Variants in GLIS1 observed in about 807,000 individuals in gnomAD.
GLIS1 encodes GLIS family zinc finger 1.
Under a neutral mutation model 63.8 loss-of-function variants are expected in GLIS1, and 24 were observed. That is an observed-to-expected ratio of 0.38 (90% confidence interval 0.27 to 0.53). The LOEUF is 0.53. Ranked by LOEUF, GLIS1 falls within the 20% of genes least tolerant of loss-of-function variation. GLIS1 has a pLI of 0.85. For missense variants in GLIS1, 1,036 were observed against 1,074.1 expected, an observed-to-expected ratio of 0.96 and a Z score of 0.50; for synonymous variants, 450 against 482.5, an observed-to-expected ratio of 0.93 and a Z score of 0.88.
At chr1:53,613,882 A>G (rs987910481) in intron 2 of GLIS1, among the ~76,000 whole-genome samples, 3 of 152,226 alleles carry the variant, frequency 2.0e-5, no homozygotes, top group African/African-American at 4.8e-5. Context: ...ACAACTACCA[A>G]TGGCCAACCA....
chr1:53,605,376 C>A (rs1032428565), intron 2 of GLIS1, among the ~76,000 whole-genome samples: 2 of 152,130 alleles, frequency 1.3e-5, no homozygotes. Context: ...GCCCTCAGAG[C>A]CCAGCAGAAG....
At chr1:53,678,151 C>T (rs965741600) in intron 2 of GLIS1, among the ~76,000 whole-genome samples, 10 of 152,202 alleles carry the variant, frequency 6.6e-5, no homozygotes, top group African/African-American at 2.2e-4. Context: ...CAGTGGGCAC[C>T]CCCATCAGAC....
At chr1:53,518,653 G>A (rs1644376027) in intron 7 of GLIS1, among the ~76,000 whole-genome samples, 1 of 152,180 alleles carries the variant, frequency 6.6e-6, no homozygotes, top group African/African-American at 2.4e-5. Flanking sequence ...CAGAACAAGG[G>A]CAGTAGCTTC....
chr1:53,714,389 A>T (rs1297175046), intron 2 of GLIS1, among the ~76,000 whole-genome samples: 2 of 152,220 alleles, frequency 1.3e-5, no homozygotes, highest in Non-Finnish European at 2.9e-5. Flanking sequence ...CTTTTATTGG[A>T]GTTTTGTATT....
intron 10 of GLIS1, among the ~76,000 whole-genome samples, chr1:53,508,423 T>C (rs992713655): frequency 6.6e-6 from 1 of 152,112 alleles, no homozygotes; most frequent in Non-Finnish European, 1.5e-5. Context: ...AGGTTCCCCT[T>C]TGTTGGAGCC....
intron 2 of GLIS1, among the ~76,000 whole-genome samples, chr1:53,625,884 G>A (rs550842155): frequency 1.3e-5 from 2 of 152,214 alleles, no homozygotes; most frequent in Admixed American, 1.3e-4. Flanking sequence ...TGGCCATAAC[G>A]CTGCACAGAG....
At chr1:53,738,787 C>A (rs1240538319) in intron 1 of GLIS1, among the ~76,000 whole-genome samples, 1 of 152,198 alleles carries the variant, frequency 6.6e-6, no homozygotes, top group East Asian at 1.9e-4. Flanking sequence ...TGGGCAATGC[C>A]CACGCGGCCG....
intron 2 of GLIS1, among the ~76,000 whole-genome samples, chr1:53,647,822 G>T (rs1375783949): frequency 6.6e-6 from 1 of 152,060 alleles, no homozygotes; most frequent in Non-Finnish European, 1.5e-5. Context: ...CTAACAAAGG[G>T]CTTGGATCTA....
At chr1:53,670,120 G>A (rs1293558789) in intron 2 of GLIS1, among the ~76,000 whole-genome samples, 1 of 152,194 alleles carries the variant, frequency 6.6e-6, no homozygotes, top group African/African-American at 2.4e-5. Context: ...TTTCTGGACT[G>A]GACCACTCTC....
intron 5 of GLIS1, among the ~76,000 whole-genome samples, chr1:53,528,456 G>A (rs745646541): frequency 1.8e-4 from 28 of 152,158 alleles, no homozygotes; most frequent in Non-Finnish European, 4.0e-4. Context: ...CTCAATTTAT[G>A]AAATGGGGAT....
intron 6 of GLIS1, among the ~76,000 whole-genome samples, chr1:53,523,845 G>A (rs548320183): frequency 2.6e-5 from 4 of 152,130 alleles, no homozygotes; most frequent in Admixed American, 1.3e-4. Flanking sequence ...AAGACCTCTC[G>A]ATGGCACCCA....
Position 53,524,895 on chromosome 1 carries a change from A to AG in GLIS1, c.1483-9_1483-8insC, listed in dbSNP as rs1644449384. ...CTGACAGGCGTACGGCTTCTGTAACATGGGGGGCACGGGTGGGGTGAGTGA... is the reference window on the plus strand; with the variant it reads ...CTGACAGGCGTACGGCTTCTGTAACAGTGGGGGGCACGGGTGGGGTGAGTGA... On this transcript the variant is annotated splice_polypyrimidine_tract_variant and intron_variant, in intron 5 of 10. Coordinates refer to ENST00000628545, the MANE Select transcript of GLIS1 (RefSeq NM_001367484.1). 22 of 1,566,582 alleles carry AG rather than the reference A, an allele frequency of 1.4e-5. No individual in the cohort carries two copies. Among genetic ancestry groups the AG allele is most frequent in the Non-Finnish European group, 1.8e-5 (21 of 1,139,962 alleles).
intron 5 of GLIS1, among the ~76,000 whole-genome samples, chr1:53,527,507 G>T (rs985875914): frequency 1.3e-5 from 2 of 152,192 alleles, no homozygotes; most frequent in African/African-American, 4.8e-5. Context: ...GGAGGCCAGG[G>T]GCTTTCCTCA....
At chr1:53,571,067 A>G (rs1310020775) in intron 4 of GLIS1, among the ~76,000 whole-genome samples, 1 of 152,230 alleles carries the variant, frequency 6.6e-6, no homozygotes, top group South Asian at 2.1e-4. Flanking sequence ...AATCAATAAG[A>G]AAAAGACAAA....
At position 53,597,083 on chromosome 1, in the gene GLIS1, C is replaced by G. The variant is rs1345609888; in HGVS notation, c.438-2093G>C. On this transcript the variant is annotated intron_variant, in intron 3 of 10. Coordinates refer to ENST00000628545, the MANE Select transcript of GLIS1 (RefSeq NM_001367484.1). Reference sequence around the variant, plus strand: ...TGGTGAACAGAACTAGTTATGTAGCCTCTCTAGCCTCAGTTTCCCCACTCA... The same window carrying G: ...TGGTGAACAGAACTAGTTATGTAGCGTCTCTAGCCTCAGTTTCCCCACTCA... Among the ~76,000 whole-genome samples the G allele has an allele frequency of 2.1e-5, 3 of 145,332 alleles. No homozygotes were observed. In the East Asian group the frequency reaches 6.3e-4, roughly 31 times the overall value.
chr1:53,616,641 T>C (rs1569925850), intron 2 of GLIS1, among the ~76,000 whole-genome samples: 3 of 152,128 alleles, frequency 2.0e-5, no homozygotes, highest in Admixed American at 2.0e-4. Flanking sequence ...ACAACCCCTC[T>C]CTCCACCTCC....
intron 2 of GLIS1, among the ~76,000 whole-genome samples, chr1:53,693,512 T>A (rs1402929006): frequency 6.6e-6 from 1 of 152,108 alleles, no homozygotes; most frequent in East Asian, 1.9e-4. Flanking sequence ...AGCCACCACA[T>A]CCCATCCTGG....
intron 2 of GLIS1, among the ~76,000 whole-genome samples, chr1:53,709,379 T>C (rs143577633): frequency 0.038 from 1,650 of 43,040 alleles, 38 homozygotes; most frequent in African/African-American, 0.12. Context: ...TATATATACA[T>C]ATATACATAT....
intron 6 of GLIS1, among the ~76,000 whole-genome samples, chr1:53,522,145 C>T (rs983241204): frequency 9.9e-5 from 15 of 152,222 alleles, no homozygotes; most frequent in African/African-American, 2.7e-4. Context: ...TCTTGTAGAC[C>T]GCAATGTCGA....
Sources: allele counts gnomAD v4.1 joint callset (sites outside exome capture counted in the v4.1 genomes callset), GRCh38; gene constraint gnomAD v4.1.1; transcripts MANE v1.5; gene names NCBI Gene and HGNC (gene_info 2026-07-23, HGNC 2026-07-21).